DSCAM: variants seen among roughly 807,000 people sequenced by gnomAD.
DSCAM encodes the protein DS cell adhesion molecule, also known as cell adhesion molecule DSCAM.
In DSCAM, 47 loss-of-function variants were observed where a neutral mutation model predicts 217.7. That is an observed-to-expected ratio of 0.22 (90% CI 0.17 to 0.28). The LOEUF (loss-of-function observed/expected upper bound fraction) is 0.28, where lower values mean the gene tolerates loss of function less well. DSCAM is among the 10% of genes least tolerant of loss of function. DSCAM has a pLI of 1.00. For synonymous variants in DSCAM, 1,056 were observed against 1,015.3 expected, an observed-to-expected ratio of 1.04 and a Z score of -0.76; for missense variants, 2,080 against 2,618.3, an observed-to-expected ratio of 0.79 and a Z score of 4.49.
chr21:40,702,262 GCATACAAC>G (rs2090664707), intron 2 of DSCAM, among the ~76,000 whole-genome samples: 1 of 152,146 alleles, frequency 6.6e-6, no homozygotes, highest in Non-Finnish European at 1.5e-5. Context: ...CTGCCATTAT[GCATACAAC>G]TTACAACATA....
intron 3 of DSCAM, among the ~76,000 whole-genome samples, chr21:40,524,852 A>G (rs369975388): frequency 6.6e-6 from 1 of 151,916 alleles, no homozygotes; most frequent in South Asian, 2.1e-4. Context: ...CTACTAAAAA[A>G]TACAAAAATT....
At chr21:40,229,563 A>G (rs772739749) in intron 11 of DSCAM, among the ~76,000 whole-genome samples, 60 of 152,084 alleles carry the variant, frequency 3.9e-4, no homozygotes, top group Admixed American at 1.8e-3. Context: ...TCTGAACTCT[A>G]TTGTTTTGCC....
intron 1 of DSCAM, among the ~76,000 whole-genome samples, chr21:40,775,357 AG>A (rs2091478956): frequency 6.6e-6 from 1 of 152,186 alleles, no homozygotes; most frequent in Admixed American, 6.5e-5. Flanking sequence ...TAAGAACTGA[AG>A]GAATACCTAG....
chr21:40,385,878 T>C (rs2075080158), intron 3 of DSCAM, among the ~76,000 whole-genome samples: 1 of 152,186 alleles, frequency 6.6e-6, no homozygotes, highest in South Asian at 2.1e-4. Context: ...ATGCAAAGTA[T>C]AAAATAAAGA....
At chr21:40,689,198 A>G (rs1205829988) in intron 3 of DSCAM, among the ~76,000 whole-genome samples, 1 of 152,238 alleles carries the variant, frequency 6.6e-6, no homozygotes, top group Non-Finnish European at 1.5e-5. Flanking sequence ...AAATACACAA[A>G]CATCTTTAAT....
At chr21:40,814,535 T>C (rs1489322943) in intron 1 of DSCAM, among the ~76,000 whole-genome samples, 1 of 152,162 alleles carries the variant, frequency 6.6e-6, no homozygotes, top group Non-Finnish European at 1.5e-5. Context: ...AACACAAGGA[T>C]TGATGAGGAA....
intron 11 of DSCAM, among the ~76,000 whole-genome samples, chr21:40,222,929 T>C (rs558127147): frequency 1.3e-5 from 2 of 152,364 alleles, no homozygotes; most frequent in African/African-American, 4.8e-5. Flanking sequence ...ATCTAAAGTC[T>C]AATGGAAGTT....
At chr21:40,506,535 G>A (rs116033763) in intron 3 of DSCAM, among the ~76,000 whole-genome samples, 1,621 of 152,296 alleles carry the variant, frequency 0.011, 29 homozygotes, top group African/African-American at 0.036. Flanking sequence ...AATGGTATTT[G>A]ATAACCAGTG....
chr21:40,144,775 G>A lies in DSCAM; in HGVS notation c.3019-44C>T. On this transcript the variant is annotated intron_variant, in intron 16 of 32. Coordinates refer to ENST00000400454, the MANE Select transcript of DSCAM (RefSeq NM_001389.5). The surrounding 1 kb of genome is among the most constrained non-coding windows in gnomAD (Gnocchi z 4.8). Reference sequence around the variant, plus strand: ...AACACACTAAAGAAGTCTTGAGGTAGGACAAGAGCGAAATCAACGCCCACA... The same window carrying A: ...AACACACTAAAGAAGTCTTGAGGTAAGACAAGAGCGAAATCAACGCCCACA... 1 of 1,608,650 alleles carries A rather than the reference G, an allele frequency of 6.2e-7. No individual in the cohort carries two copies. The highest frequency in any genetic ancestry group is 8.5e-7 in the Non-Finnish European group (1 of 1,177,396).
intron 3 of DSCAM, among the ~76,000 whole-genome samples, chr21:40,690,110 T>C (rs2090523370): frequency 6.6e-6 from 1 of 152,212 alleles, no homozygotes. Flanking sequence ...CTTCTCCACC[T>C]AAACCTCCTG....
At chr21:40,371,452 C>A (rs542259393) in intron 3 of DSCAM, among the ~76,000 whole-genome samples, 23 of 151,222 alleles carry the variant, frequency 1.5e-4, no homozygotes, top group African/African-American at 5.3e-4. Context: ...GTATGTAATT[C>A]CTGTCACCTT....
intron 3 of DSCAM, among the ~76,000 whole-genome samples, chr21:40,636,836 C>T (rs979802640): frequency 5.5e-5 from 8 of 145,622 alleles, no homozygotes; most frequent in Admixed American, 2.8e-4. Flanking sequence ...TCAAAATAAA[C>T]GCACCTGTCA....
At chr21:40,185,920 T>A (rs2090889812) in intron 14 of DSCAM, among the ~76,000 whole-genome samples, 3 of 152,114 alleles carry the variant, frequency 2.0e-5, no homozygotes, top group African/African-American at 7.2e-5. Flanking sequence ...TGCAGTCCAA[T>A]CAACCCCGGA....
chr21:40,766,331 G>A (rs1050097540), intron 1 of DSCAM, among the ~76,000 whole-genome samples: 18 of 148,218 alleles, frequency 1.2e-4, no homozygotes, highest in African/African-American at 4.6e-4. Flanking sequence ...TGGTATGTGT[G>A]TATATATATA....
chr21:40,341,148 A>C (rs1249782577), intron 6 of DSCAM, among the ~76,000 whole-genome samples: 1 of 152,220 alleles, frequency 6.6e-6, no homozygotes, highest in Non-Finnish European at 1.5e-5. Context: ...GAGATGAAAA[A>C]GACAACTTTA....
intron 1 of DSCAM, among the ~76,000 whole-genome samples, chr21:40,783,529 GA>G (rs1287760981): frequency 6.6e-6 from 1 of 152,172 alleles, no homozygotes. Context: ...CACTTTTGGA[GA>G]AAAGCCATTC....
intron 3 of DSCAM, among the ~76,000 whole-genome samples, chr21:40,516,989 A>G (rs1039544360): frequency 6.8e-6 from 1 of 147,654 alleles, no homozygotes; most frequent in Non-Finnish European, 1.5e-5. Flanking sequence ...ATATATATAC[A>G]TATATATACA....
At chr21:40,569,936 T>TAAGGAAGC (rs1434756597) in intron 3 of DSCAM, among the ~76,000 whole-genome samples, 1 of 151,984 alleles carries the variant, frequency 6.6e-6, no homozygotes, top group East Asian at 1.9e-4. Flanking sequence ...GGTATGAACG[T>TAAGGAAGC]AAGGAAGCAA....
At chr21:40,286,761 T>C (rs914889831) in intron 10 of DSCAM, among the ~76,000 whole-genome samples, 4 of 141,938 alleles carry the variant, frequency 2.8e-5, no homozygotes, top group Non-Finnish European at 5.9e-5. Flanking sequence ...TGCAGTGTGA[T>C]CCACAGGTGG....
Sources: allele counts gnomAD v4.1 joint callset (sites outside exome capture counted in the v4.1 genomes callset), GRCh38; gene constraint gnomAD v4.1.1; non-coding constraint Gnocchi (gnomAD v3.1); transcripts MANE v1.5; gene names NCBI Gene and HGNC (gene_info 2026-07-23, HGNC 2026-07-21).